Variants in SGCD observed in about 807,000 individuals in gnomAD.
The protein encoded by SGCD is sarcoglycan delta.
SGCD carries 18 observed loss-of-function variants against 36.6 expected under a neutral mutation model. The observed-to-expected ratio is 0.49, with a 90% CI of 0.34 to 0.73. The LOEUF (loss-of-function observed/expected upper bound fraction) is 0.73, where lower values mean the gene tolerates loss of function less well. Ranked by LOEUF, SGCD falls within the 30% of genes least tolerant of loss-of-function variation. SGCD has a pLI of 0.01. For missense variants in SGCD, 387 were observed against 346.7 expected, an observed-to-expected ratio of 1.12 and a Z score of -0.92; for synonymous variants, 133 against 130.6, an observed-to-expected ratio of 1.02 and a Z score of -0.12.
At chr5:156,197,695 G>A (rs563108505) in intron 3 of SGCD, among the ~76,000 whole-genome samples, 1 of 151,814 alleles carries the variant, frequency 6.6e-6, no homozygotes, top group Admixed American at 6.6e-5. Context: ...AATTACATGT[G>A]ATTTTTTTGC....
chr5:156,466,886 G>A (rs1440358622), intron 3 of SGCD, among the ~76,000 whole-genome samples: 4 of 151,788 alleles, frequency 2.6e-5, no homozygotes, highest in Non-Finnish European at 5.9e-5. Flanking sequence ...TTTTTTTAAT[G>A]AAGAAAGAGG....
At chr5:156,229,042 A>G (rs944271799) in intron 3 of SGCD, among the ~76,000 whole-genome samples, 9 of 151,534 alleles carry the variant, frequency 5.9e-5, no homozygotes, top group African/African-American at 2.2e-4. Context: ...AAAATGTGAA[A>G]AGAGAGACTG....
chr5:156,733,398 A>AGTC (rs1756181232), intron 7 of SGCD, among the ~76,000 whole-genome samples: 1 of 151,946 alleles, frequency 6.6e-6, no homozygotes, highest in African/African-American at 2.4e-5. Context: ...TTATTATTTC[A>AGTC]GTCATTTTGC....
chr5:156,570,699 G>A (rs914131947), intron 4 of SGCD, among the ~76,000 whole-genome samples: 1 of 152,184 alleles, frequency 6.6e-6, no homozygotes, highest in Admixed American at 6.5e-5. Flanking sequence ...ATAGGTAAAT[G>A]TATGTCATGA....
chr5:156,735,972 G>A (rs1756339277), intron 7 of SGCD, among the ~76,000 whole-genome samples: 1 of 152,158 alleles, frequency 6.6e-6, no homozygotes, highest in East Asian at 1.9e-4. Flanking sequence ...TGATCTGAGG[G>A]TTGCAAAGAT....
chr5:156,473,027 C>T (rs1379619144), intron 3 of SGCD, among the ~76,000 whole-genome samples: 1 of 152,134 alleles, frequency 6.6e-6, no homozygotes, highest in East Asian at 1.9e-4. Flanking sequence ...TGGTAGAATT[C>T]AAATGTTATC....
At chr5:156,618,739 T>G (rs559024167) in intron 6 of SGCD, among the ~76,000 whole-genome samples, 1 of 152,230 alleles carries the variant, frequency 6.6e-6, no homozygotes, top group African/African-American at 2.4e-5. Context: ...GAATTCCTGA[T>G]GCAGAAGGAA....
chr5:156,740,909 A>C lies in SGCD; in HGVS notation c.576-16672A>C, dbSNP rs559240633. Among the ~76,000 whole-genome samples the C allele has an allele frequency of 2.1e-4, 32 of 152,304 alleles. No homozygotes were observed. The South Asian group carries it at 6.2e-3, about 30-fold the overall frequency. ...TGCTTTAATTGACCAAAAATACACC[A>C]ACTTTATACCTTCCCACCAGTTTTT... On this transcript the variant is annotated intron_variant, in intron 7 of 8. Coordinates refer to ENST00000337851, the MANE Select transcript of SGCD (RefSeq NM_000337.6).
At chr5:156,005,255 C>T (rs776714712) in intron 1 of SGCD, among the ~76,000 whole-genome samples, 4 of 152,136 alleles carry the variant, frequency 2.6e-5, no homozygotes, top group Non-Finnish European at 5.9e-5. Flanking sequence ...TTCCCTTCAT[C>T]CCAGTCCTAA....
the SGCD span, among the ~76,000 whole-genome samples, chr5:155,788,876 G>A: frequency 6.6e-6 from 1 of 152,118 alleles, no homozygotes; most frequent in African/African-American, 2.4e-5. Context: ...AATGGGCAGA[G>A]AATGATAGTT....
rs149730307 is a variant in SGCD, at chr5:156,609,730, G to A, written c.502+14679G>A. 4.5e-3 allele frequency among the ~76,000 whole-genome samples: 692 copies of A among 152,268 alleles called. 4 individuals carry two copies. Among genetic ancestry groups the A allele is most frequent in the African/African-American group, 0.016 (663 of 41,540 alleles). On this transcript the variant is annotated intron_variant, in intron 6 of 8. Transcript: ENST00000337851. Reference sequence around the variant, plus strand: ...TTCACATAGTCCCAAATTTCTTGGAGGCTTTGTTTGTTTCTTTTTATACTT... The same window carrying A: ...TTCACATAGTCCCAAATTTCTTGGAAGCTTTGTTTGTTTCTTTTTATACTT...
Position 156,726,563 on chromosome 5 carries a change from G to T in SGCD, c.576-31018G>T, listed in dbSNP as rs115463974. Among the ~76,000 whole-genome samples, 1,279 of 152,126 alleles carry T rather than the reference G, an allele frequency of 8.4e-3. 12 individuals are homozygous for T. The highest frequency in any genetic ancestry group is 0.028 in the African/African-American group (1,171 of 41,518). ...CATACTCCTTTCTTCAGCCAACAAG[G>T]TTCTAATGGCCTATTCACCCCTCTC... On this transcript the variant is annotated intron_variant, in intron 7 of 8. Transcript: ENST00000337851.
Position 156,708,279 on chromosome 5 carries a change from TA to T in SGCD, c.576-49286del, listed in dbSNP as rs35320814. 2.3e-3 allele frequency among the ~76,000 whole-genome samples: 338 copies of T among 149,148 alleles called. 1 individual carries two copies. Among genetic ancestry groups the T allele is most frequent in the African/African-American group, 7.0e-3 (283 of 40,668 alleles). ...TTTAGTTTTAAGAAAAGCATTCTAT[TA>T]AAAAAAAAAAAAAAAGGAAATGAAA... On this transcript the variant is annotated intron_variant, in intron 7 of 8. Coordinates refer to ENST00000337851, the MANE Select transcript of SGCD (RefSeq NM_000337.6).
At chr5:156,529,778 C>A (rs1368936953) in intron 4 of SGCD, among the ~76,000 whole-genome samples, 1 of 152,206 alleles carries the variant, frequency 6.6e-6, no homozygotes, top group Non-Finnish European at 1.5e-5. Flanking sequence ...TGATCTCTAT[C>A]AGCAGCTAAG....
intron 1 of SGCD, among the ~76,000 whole-genome samples, chr5:156,090,761 G>C (rs544736766): frequency 6.6e-6 from 1 of 152,234 alleles, no homozygotes; most frequent in South Asian, 2.1e-4. Flanking sequence ...TCCCAGAGCT[G>C]TCGTTTATAG....
chr5:156,255,641 G>C (rs1765696021), intron 3 of SGCD, among the ~76,000 whole-genome samples: 1 of 152,000 alleles, frequency 6.6e-6, no homozygotes, highest in Non-Finnish European at 1.5e-5. Context: ...TTGGCTTATA[G>C]CTATTGGTAA....
chr5:155,991,391 C>T (rs1255607084), intron 1 of SGCD, among the ~76,000 whole-genome samples: 1 of 152,090 alleles, frequency 6.6e-6, no homozygotes, highest in African/African-American at 2.4e-5. Context: ...AGCTGTTTCT[C>T]CTAAATATCA....
At chr5:156,378,921 T>C (rs1363466737) in intron 3 of SGCD, among the ~76,000 whole-genome samples, 1 of 152,182 alleles carries the variant, frequency 6.6e-6, no homozygotes, top group African/African-American at 2.4e-5. Flanking sequence ...AAAATCACCA[T>C]CCCAGATACT....
At chr5:156,243,494 C>T (rs949894683) in intron 3 of SGCD, among the ~76,000 whole-genome samples, 2 of 151,912 alleles carry the variant, frequency 1.3e-5, no homozygotes, top group African/African-American at 4.8e-5. Flanking sequence ...TAAAATTAAC[C>T]CAGTGGCATT....
Sources: allele counts gnomAD v4.1 joint callset (sites outside exome capture counted in the v4.1 genomes callset), GRCh38; gene constraint gnomAD v4.1.1; transcripts MANE v1.5; gene names NCBI Gene and HGNC (gene_info 2026-07-23, HGNC 2026-07-21).